The following FCHO1 variants were observed in gnomAD, a reference collection of about 807,000 sequenced individuals.
FCHO1 encodes F-BAR domain only protein 1.
In FCHO1, 45 loss-of-function variants were observed where a neutral mutation model predicts 114.4. The ratio of observed to expected loss-of-function variants is 0.39; its 90% CI spans 0.31 to 0.50. The LOEUF is 0.50. Among genes scored for constraint, FCHO1 ranks in the 20% least tolerant of loss-of-function variants. The probability of loss-of-function intolerance (pLI) is 0.77; values close to 1 mark genes in which losing one functional copy is unlikely to be tolerated. For missense variants in FCHO1, 1,042 were observed against 1,209.6 expected (o/e 0.86, Z 2.06); for synonymous variants, 480 against 488.9 (o/e 0.98, Z 0.24).
intron 13 of FCHO1, 124 bp from the exon 14 acceptor site, chr19:17,774,932 G>A (rs2147096148): frequency 9.3e-7 from 1 of 1,076,756 alleles, no homozygotes; most frequent in East Asian, 2.4e-5. Flanking sequence ...CGCCTCTAGG[G>A]CTAGCTCAGG....
chr19:17,764,384 C>T lies in FCHO1; in HGVS notation c.129C>T (p.Ile43=), dbSNP rs1279742516. ...TCATTCTCCTCCCCAGGGCCACCAT[C>T]GAGGAGACCTACTCGAAGGCGATGG... ...LADFIRERAT[I]EETYSKAMAK... is the part of the protein sequence containing the mutation. The change falls in exon 6 of 29, where the codon ATC becomes ATT. Residue 43 remains isoleucine, a synonymous_variant. Transcript: ENST00000596536. 13 of 1,613,606 alleles carry T rather than the reference C, an allele frequency of 8.1e-6. No individual in the cohort carries two copies. The highest frequency in any genetic ancestry group is 1.3e-5 in the African/African-American group (1 of 74,908).
At chr19:17,755,968 C>G (rs2083337517) in intron 4 of FCHO1, among the ~76,000 whole-genome samples, 1 of 152,166 alleles carries the variant, frequency 6.6e-6, no homozygotes, top group Admixed American at 6.5e-5. Context: ...AGGGACTCCT[C>G]CTGCAGAGCC....
rs528053341 is a variant in FCHO1, at chr19:17,772,536, C to T, written c.674C>T (p.Thr225Met). The change falls in exon 10 of 29, where the codon ACG (threonine) becomes ATG (methionine). Residue 225 changes from threonine to methionine, a missense_variant. Thr to Met is a moderately conservative substitution (Grantham distance 81). This residue lies in a region of FCHO1 where 450 missense variants were observed against 564.1 expected (regional missense o/e 0.80). Transcript: ENST00000596536. ...TCATATGCTCACTCGGTGGAGGACA[C>T]GCACGTGCAGATTGGGCAGGTGAGT... ...LGSYAHSVED[T>M]HVQIGQVHEE... is the part of the protein sequence containing the mutation. 19 of 1,613,950 alleles carry T rather than the reference C, an allele frequency of 1.2e-5. No individual in the cohort carries two copies. Among genetic ancestry groups the T allele is most frequent in the East Asian group, 8.9e-5 (4 of 44,888 alleles).
chr19:17,781,276 C>G lies in FCHO1; in HGVS notation c.1673C>G (p.Ala558Gly). ...PADPTAREGL[A>G]APPRRLRSRK... Reference sequence around the variant, plus strand: ...GACCCCACAGCCAGGGAGGGCCTGGCAGCCCCACCCAGGAGACTTCGCTCT... The same window carrying G: ...GACCCCACAGCCAGGGAGGGCCTGGGAGCCCCACCCAGGAGACTTCGCTCT... The change falls in exon 21 of 29, where the codon GCA becomes GGA. Residue 558 changes from alanine (A) to glycine (G), a missense_variant. Ala to Gly is a moderately conservative substitution (Grantham distance 60). Transcript: ENST00000596536. The G allele has an allele frequency of 1.2e-6, 2 of 1,613,980 alleles. No homozygotes were observed. Among genetic ancestry groups the G allele is most frequent in the Non-Finnish European group, 1.7e-6 (2 of 1,179,910 alleles).
intron 13 of FCHO1, 75 bp from the exon 14 acceptor site, chr19:17,774,981 C>T: frequency 6.5e-7 from 1 of 1,537,268 alleles, no homozygotes; most frequent in South Asian, 1.1e-5. Flanking sequence ...GCTTCCATGT[C>T]CAGTGTTGGG....
At chr19:17,779,582 G>A (rs2093127451) in intron 20 of FCHO1, among the ~76,000 whole-genome samples, 1 of 146,940 alleles carries the variant, frequency 6.8e-6, no homozygotes, top group African/African-American at 2.5e-5. Flanking sequence ...GGGAAGGAGC[G>A]GAGTCAAGGG....
In FCHO1 at chr19:17,772,733, A is replaced by C; in HGVS notation, c.782A>C (p.Glu261Ala). The stretch of plus-strand genomic sequence containing the variant: ...GCAGAGAGTAAGGGCACAGGCCGGG[A>C]GAAGCCTGGTGAGTCAGGGCAGCCA... ...KFAESKGTGR[E>A]KPGPLDFEAY... The change falls in exon 11 of 29, where the codon GAG becomes GCG. Residue 261 changes from glutamate (E) to alanine (A), a missense_variant. By Grantham distance (107) the Glu-to-Ala change is moderately radical. Around this residue, in one of 3 missense-constraint regions of FCHO1, gnomAD observed 450 missense variants for 564.1 expected, o/e 0.80. Coordinates refer to ENST00000596536, the MANE Select transcript of FCHO1 (RefSeq NM_015122.3). 1 of 1,614,082 alleles carries C rather than the reference A, an allele frequency of 6.2e-7. No homozygotes were observed. The highest frequency in any genetic ancestry group is 8.5e-7 in the Non-Finnish European group (1 of 1,179,954).
chr19:17,772,113 T>C (rs4808687), intron 9 of FCHO1, among the ~76,000 whole-genome samples: 137,372 of 152,226 alleles, frequency 0.9, 62,206 homozygotes, highest in Middle Eastern at 0.97. Context: ...AGCTGACCAC[T>C]ATTTCTGCTT....
intron 4 of FCHO1, among the ~76,000 whole-genome samples, chr19:17,757,106 T>C (rs1441723374): frequency 6.6e-6 from 1 of 151,040 alleles, no homozygotes; most frequent in Non-Finnish European, 1.5e-5. Context: ...GGAGAATTGC[T>C]TGAACCCGGG....
At chr19:17,778,301 G>A (rs2092907103) in intron 19 of FCHO1, 73 bp downstream of exon 19, 4 of 1,259,030 alleles carry the variant, frequency 3.2e-6, no homozygotes, top group Admixed American at 1.7e-5. Flanking sequence ...GCAGAGTTAG[G>A]CCAATGAGGT....
chr19:17,781,865 G>A (rs752208473), intron 23 of FCHO1, 45 bp downstream of exon 23: 1 of 1,333,282 alleles, frequency 7.5e-7, no homozygotes, highest in Non-Finnish European at 1.0e-6. Context: ...GTCTGTGTTG[G>A]GGGAGTCCAG....
At chr19:17,751,469 A>T (rs1458576373), upstream of FCHO1, 2 of 150,628 alleles carry the variant, frequency 1.3e-5, no homozygotes, top group Non-Finnish European at 3.0e-5. The surrounding 1 kb of genome is among the most constrained non-coding windows in gnomAD (Gnocchi z 4.4). Flanking sequence ...CCCCCCCCCA[A>T]CCCATGCACA....
chr19:17,779,223 C>T (rs762017079), intron 20 of FCHO1, among the ~76,000 whole-genome samples: 1 of 152,118 alleles, frequency 6.6e-6, no homozygotes, highest in Non-Finnish European at 1.5e-5. Flanking sequence ...GTCTGAAGAA[C>T]AGCAAGGAGG....
intron 18 of FCHO1, 73 bp from the exon 19 acceptor site, chr19:17,778,064 A>G: frequency 2.9e-6 from 3 of 1,043,052 alleles, no homozygotes; most frequent in South Asian, 2.6e-5. Context: ...TGGGAACAGC[A>G]TGTGCAAAGG....
At position 17,778,827 on chromosome 19, in the gene FCHO1, C is replaced by G; in HGVS notation, c.1570C>G (p.Pro524Ala). Residue 524 changes from proline (P) to alanine (A), a missense_variant, in exon 20 of 29, where the codon CCG (proline) becomes GCG (alanine). Transcript: ENST00000596536. ...CCGGGCACCGCCTCTGCCAGACTCG[C>G]CGCAGCCCCTCGCCTCGTCTCCAGG... ...GIRAPPLPDS[P>A]QPLASSPGPW... The G allele has an allele frequency of 6.4e-7, 1 of 1,555,182 alleles. No individual in the cohort carries two copies. The highest frequency in any genetic ancestry group is 1.2e-5 in the South Asian group (1 of 85,872).
At chr19:17,762,967 C>CCAGAGG in intron 5 of FCHO1, 114 bp downstream of exon 5, 1 of 695,916 alleles carries the variant, frequency 1.4e-6, no homozygotes, top group Non-Finnish European at 2.5e-6. Flanking sequence ...ATTCCAGGAA[C>CCAGAGG]CAGAGGGGCT....
At chr19:17,785,604 T>A (rs1599798914) in intron 26 of FCHO1, among the ~76,000 whole-genome samples, 1 of 151,966 alleles carries the variant, frequency 6.6e-6, no homozygotes, top group East Asian at 1.9e-4. Context: ...GAGGCCGAGA[T>A]GGGCAGATCA....
At chr19:17,773,202 C>T (rs776393537) in intron 11 of FCHO1, among the ~76,000 whole-genome samples, 5 of 152,160 alleles carry the variant, frequency 3.3e-5, no homozygotes, top group South Asian at 2.1e-4. Flanking sequence ...TAGAGTGAGA[C>T]GTGGGTTTGA....
At chr19:17,751,251 G>A (rs142455249), upstream of FCHO1, among the ~76,000 whole-genome samples, 213 of 152,302 alleles carry the variant, frequency 1.4e-3, 3 homozygotes, top group East Asian at 0.03. The surrounding 1 kb of genome is among the most constrained non-coding windows in gnomAD (Gnocchi z 4.4). Context: ...CTGGGCCAGG[G>A]TTGGTGCTCA....
Sources: gnomAD v4.1 joint callset for allele counts (sites outside exome capture counted in the v4.1 genomes callset) on GRCh38, gnomAD v4.1.1 for gene constraint, gnomAD v4.1.1 regional missense constraint, Gnocchi (gnomAD v3.1) non-coding constraint, MANE v1.5 for transcripts, NCBI Gene and HGNC (gene_info 2026-07-23, HGNC 2026-07-21) for gene names.